PCNX1: variants seen among roughly 807,000 people sequenced by gnomAD.
The protein encoded by PCNX1 is pecanex-like protein 1.
A neutral mutation model predicts 242.2 loss-of-function variants in PCNX1; 78 were observed. The observed-to-expected ratio is 0.32, with a 90% CI of 0.27 to 0.39. PCNX1 has a LOEUF of 0.39. Among genes scored for constraint, PCNX1 ranks in the 10% least tolerant of loss-of-function variants. The probability of loss-of-function intolerance (pLI) is 1.00; values close to 1 mark genes in which losing one functional copy is unlikely to be tolerated. For synonymous variants in PCNX1, 1,024 were observed against 1,032.9 expected (o/e 0.99, Z 0.17); for missense variants, 2,581 against 2,856.5 (o/e 0.90, Z 2.20).
At position 71,112,294 on chromosome 14, in the gene PCNX1, C is replaced by T. The variant is rs1027918864; in HGVS notation, c.*2359C>T. On this transcript the variant is annotated 3_prime_UTR_variant, in exon 36 of 36. Coordinates refer to ENST00000304743, the MANE Select transcript of PCNX1 (RefSeq NM_014982.3). ...GAAAAGTCAGATTTCAAATGCAAGA[C>T]TAGACTTTATATGGAACATATATGT... 2 of 152,004 alleles carry T rather than the reference C, an allele frequency of 1.3e-5. No individual in the cohort carries two copies. Among genetic ancestry groups the T allele is most frequent in the African/African-American group, 4.8e-5 (2 of 41,418 alleles). 9.4% of individuals were successfully genotyped at this position (152,004 alleles called of 1,614,324 possible).
At chr14:71,059,207 G>C (rs1205449692) in intron 26 of PCNX1, among the ~76,000 whole-genome samples, 1 of 152,118 alleles carries the variant, frequency 6.6e-6, no homozygotes, top group Non-Finnish European at 1.5e-5. Context: ...AAGTTATCCA[G>C]ATTTTTATTC....
chr14:70,999,628 AAGG>A (rs1402361230), intron 8 of PCNX1, among the ~76,000 whole-genome samples: 2 of 152,178 alleles, frequency 1.3e-5, no homozygotes, highest in Non-Finnish European at 2.9e-5. Context: ...AGGATTGACA[AAGG>A]AGGTATTCTT....
intron 1 of PCNX1, among the ~76,000 whole-genome samples, chr14:70,943,379 A>G (rs1043155703): frequency 6.6e-6 from 1 of 152,222 alleles, no homozygotes; most frequent in African/African-American, 2.4e-5. Context: ...TCTTAGATGG[A>G]CATGAGGAAC....
At chr14:71,046,824 C>T in intron 20 of PCNX1, 140 bp from the exon 21 acceptor site, 2 of 552,166 alleles carry the variant, frequency 3.6e-6, no homozygotes, top group Non-Finnish European at 6.1e-6. Flanking sequence ...TAGAAGTTGA[C>T]AGTTGATTAA....
chr14:71,019,619 C>T (rs2060045062), intron 12 of PCNX1, among the ~76,000 whole-genome samples: 1 of 152,132 alleles, frequency 6.6e-6, no homozygotes, highest in East Asian at 1.9e-4. Context: ...TCAGGCTGGT[C>T]TCAAACTCCT....
intron 22 of PCNX1, among the ~76,000 whole-genome samples, chr14:71,049,925 A>C (rs2060974134): frequency 6.6e-6 from 1 of 152,238 alleles, no homozygotes; most frequent in African/African-American, 2.4e-5. Context: ...AAATGAAATT[A>C]AAATGTGTAT....
chr14:71,019,868 C>T (rs1182016539), intron 12 of PCNX1, among the ~76,000 whole-genome samples: 1 of 151,590 alleles, frequency 6.6e-6, no homozygotes, highest in Non-Finnish European at 1.5e-5. Context: ...TCCCACCATG[C>T]ATCCCACCAT....
At chr14:70,986,528 A>G (rs1044564437) in intron 6 of PCNX1, among the ~76,000 whole-genome samples, 3 of 152,212 alleles carry the variant, frequency 2.0e-5, no homozygotes, top group Admixed American at 6.5e-5. Context: ...CCCCAGTACT[A>G]TGGAATAATT....
chr14:70,965,209 T>C (rs1361754695), intron 3 of PCNX1, among the ~76,000 whole-genome samples: 1 of 152,182 alleles, frequency 6.6e-6, no homozygotes, highest in East Asian at 1.9e-4. Context: ...CCTTACCTCC[T>C]TCTCTTTCCT....
At chr14:70,968,747 C>T (rs1429345882) in intron 4 of PCNX1, among the ~76,000 whole-genome samples, 1 of 152,012 alleles carries the variant, frequency 6.6e-6, no homozygotes, top group East Asian at 1.9e-4. Flanking sequence ...TTTTAAATTC[C>T]ACTTGTTTTT....
chr14:71,102,339 T>C, intron 31 of PCNX1, 119 bp downstream of exon 31: 2 of 659,086 alleles, frequency 3.0e-6, no homozygotes, highest in South Asian at 1.9e-5. Context: ...AGTGGCATGA[T>C]CATGGGCTTA....
In PCNX1 at chr14:71,082,813, G is replaced by T. The variant is rs775431181; in HGVS notation, c.5338-5517G>T. Among the ~76,000 whole-genome samples, 102 of 152,220 alleles carry T rather than the reference G, an allele frequency of 6.7e-4. 2 individuals are homozygous for T. The highest frequency in any genetic ancestry group is 6.3e-4 in the Non-Finnish European group (43 of 68,014). On this transcript the variant is annotated intron_variant, in intron 28 of 35. Transcript: ENST00000304743. ...TTGGCTCTATCCAGTTTGCCAGTGT[G>T]TGTCTTTTAATTGGGGCATTTAGCC...
At chr14:71,014,479 G>A (rs2059907121) in intron 11 of PCNX1, among the ~76,000 whole-genome samples, 1 of 152,170 alleles carries the variant, frequency 6.6e-6, no homozygotes, top group African/African-American at 2.4e-5. Flanking sequence ...CATTAAAACA[G>A]TTATAACTGC....
intron 11 of PCNX1, among the ~76,000 whole-genome samples, chr14:71,014,033 C>T (rs935814743): frequency 6.6e-6 from 1 of 152,096 alleles, no homozygotes; most frequent in Non-Finnish European, 1.5e-5. Flanking sequence ...CTATTTGAGG[C>T]CAGGGAAAGA....
At chr14:71,050,927 G>C (rs1487046358) in intron 23 of PCNX1, among the ~76,000 whole-genome samples, 167 bp downstream of exon 23, 2 of 152,082 alleles carry the variant, frequency 1.3e-5, no homozygotes, top group African/African-American at 4.8e-5. Context: ...CCAGCACTCT[G>C]GGAGGCCGAG....
At chr14:71,086,973 CTGAGGT>C (rs2141622651) in intron 28 of PCNX1, among the ~76,000 whole-genome samples, 1 of 151,752 alleles carries the variant, frequency 6.6e-6, no homozygotes, top group South Asian at 2.1e-4. Flanking sequence ...ATCATCTTGG[CTGAGGT>C]AAATCTGAAT....
At chr14:70,946,764 C>T (rs1055288578) in intron 1 of PCNX1, 151 bp from the exon 2 acceptor site, 2 of 606,862 alleles carry the variant, frequency 3.3e-6, no homozygotes, top group African/African-American at 1.9e-5. Flanking sequence ...TTGCATTGGG[C>T]ATTGAAGCTG....
In PCNX1 at chr14:71,096,673, G is replaced by A. The variant is rs115558768; in HGVS notation, c.5590-5317G>A. On this transcript the variant is annotated intron_variant, in intron 30 of 35. Transcript: ENST00000304743. ...ACGCAGTATTTAAAAGAAAAATTAG[G>A]AGAGTTGGTGTATGATATACAGAAG... Among the ~76,000 whole-genome samples, 395 of 152,068 alleles carry A rather than the reference G, an allele frequency of 2.6e-3. 1 individual carries two copies. Among genetic ancestry groups the A allele is most frequent in the African/African-American group, 7.2e-3 (299 of 41,512 alleles).
At chr14:70,987,309 A>G (rs1350181479) in intron 6 of PCNX1, among the ~76,000 whole-genome samples, 1 of 152,248 alleles carries the variant, frequency 6.6e-6, no homozygotes, top group Non-Finnish European at 1.5e-5. Context: ...AGCTACATGT[A>G]GCAACGGAGC....
Sources: allele counts gnomAD v4.1 joint callset (sites outside exome capture counted in the v4.1 genomes callset), GRCh38; gene constraint gnomAD v4.1.1; transcripts MANE v1.5; gene names NCBI Gene and HGNC (gene_info 2026-07-23, HGNC 2026-07-21).